ATF7IP: variants seen among roughly 807,000 people sequenced by gnomAD.
The protein encoded by ATF7IP is activating transcription factor 7 interacting protein.
In ATF7IP, 23 loss-of-function variants were observed where a neutral mutation model predicts 106.4. The observed-to-expected ratio is 0.22, with a 90% CI of 0.16 to 0.31. The LOEUF is 0.31. ATF7IP is among the 10% of genes least tolerant of loss of function. The pLI is 1.00. For missense variants in ATF7IP, 1,334 were observed against 1,524.3 expected, an observed-to-expected ratio of 0.88 and a Z score of 2.08; for synonymous variants, 542 against 539.0, an observed-to-expected ratio of 1.01 and a Z score of -0.08.
At chr12:14,396,805 A>G (rs940295641) in intron 1 of ATF7IP, among the ~76,000 whole-genome samples, 1 of 152,190 alleles carries the variant, frequency 6.6e-6, no homozygotes, top group Non-Finnish European at 1.5e-5. Flanking sequence ...TAGCAAAGAA[A>G]GATGAGGGAT....
chr12:14,388,503 C>T (rs1360023002), intron 1 of ATF7IP, among the ~76,000 whole-genome samples: 10 of 151,848 alleles, frequency 6.6e-5, no homozygotes, highest in Admixed American at 2.6e-4. Context: ...CCCATCACCA[C>T]GCCCGGCTAA....
At position 14,497,901 on chromosome 12, in the gene ATF7IP, A is replaced by G. The variant is rs1381327538; in HGVS notation, c.3641A>G (p.Lys1214Arg). ...EPSATVPSQW[K>R]KIGEVKALPL... Reference sequence around the variant, plus strand: ...AGTGCCACTGTGCCCTCACAATGGAAAAAGATTGGGGAAGTCAAGGCACTT... The same window carrying G: ...AGTGCCACTGTGCCCTCACAATGGAGAAAGATTGGGGAAGTCAAGGCACTT... Residue 1214 changes from lysine (K) to arginine (R), a missense_variant, in exon 15 of 15, where the codon AAA (lysine) becomes AGA (arginine). Coordinates refer to ENST00000261168, the MANE Select transcript of ATF7IP (RefSeq NM_018179.5). 9 of 1,614,056 alleles carry G rather than the reference A, an allele frequency of 5.6e-6. 1 individual carries two copies. Among genetic ancestry groups the G allele is most frequent in the Non-Finnish European group, 7.6e-6 (9 of 1,180,038 alleles).
chr12:14,449,366 GT>G (rs1217132539), intron 6 of ATF7IP, among the ~76,000 whole-genome samples: 1 of 151,942 alleles, frequency 6.6e-6, no homozygotes, highest in Non-Finnish European at 1.5e-5. Context: ...TATATATCCA[GT>G]TTTCCCAGCA....
chr12:14,485,585 C>T (rs965497823), intron 13 of ATF7IP, among the ~76,000 whole-genome samples: 4 of 152,274 alleles, frequency 2.6e-5, no homozygotes, highest in Admixed American at 1.3e-4. Context: ...CAAGGTCTCT[C>T]TGAATAAGAT....
chr12:14,397,265 C>G (rs1479320993), intron 1 of ATF7IP, among the ~76,000 whole-genome samples: 1 of 152,122 alleles, frequency 6.6e-6, no homozygotes, highest in Non-Finnish European at 1.5e-5. Flanking sequence ...TGTGAATGAT[C>G]CAAAATTTGG....
chr12:14,451,695 A>G (rs1184132599), intron 6 of ATF7IP, among the ~76,000 whole-genome samples: 1 of 151,914 alleles, frequency 6.6e-6, no homozygotes, highest in Non-Finnish European at 1.5e-5. Context: ...GTTGACGTCA[A>G]GTTTCATTCC....
intron 9 of ATF7IP, 33 bp downstream of exon 9, chr12:14,461,166 G>T: frequency 6.3e-7 from 1 of 1,580,034 alleles, no homozygotes; most frequent in South Asian, 1.2e-5. Flanking sequence ...TACTAGAAAT[G>T]CAAGCATCTT....
At chr12:14,473,294 G>A (rs11055990) in intron 10 of ATF7IP, among the ~76,000 whole-genome samples, 31,708 of 123,966 alleles carry the variant, frequency 0.26, 4,122 homozygotes, top group East Asian at 0.33. Context: ...CTCTCTCTGT[G>A]TGTGTGTGTG....
intron 13 of ATF7IP, 122 bp from the exon 14 acceptor site, chr12:14,496,109 A>C: frequency 3.1e-6 from 2 of 655,606 alleles, no homozygotes; most frequent in South Asian, 4.2e-5. Context: ...TCTAGGTTAG[A>C]AATATCTTTC....
At chr12:14,465,675 G>A (rs1201490983) in intron 9 of ATF7IP, among the ~76,000 whole-genome samples, 1 of 151,972 alleles carries the variant, frequency 6.6e-6, no homozygotes, top group East Asian at 1.9e-4. Context: ...AACCCAACTT[G>A]ATTTTTTAGA....
intron 5 of ATF7IP, among the ~76,000 whole-genome samples, chr12:14,439,788 G>A (rs1434660773): frequency 1.3e-5 from 2 of 151,932 alleles, no homozygotes; most frequent in Non-Finnish European, 2.9e-5. Context: ...AGCTGAGATC[G>A]GGCTACTGCA....
rs569180007 is a variant in ATF7IP, at chr12:14,377,555, C to T, written c.-8+11728C>T. Among the ~76,000 whole-genome samples the T allele has an allele frequency of 5.3e-5, 8 of 151,834 alleles. No homozygotes were observed. In the East Asian group the frequency reaches 1.2e-3, roughly 22 times the overall value. ...TATTTTTAGTAGAGACGGGGTTTCA[C>T]TGTGTTAGCCAGGATGGTCTCGATC... On this transcript the variant is annotated intron_variant, in intron 1 of 14. Coordinates refer to ENST00000261168, the MANE Select transcript of ATF7IP (RefSeq NM_018179.5).
chr12:14,502,032 A>G lies in ATF7IP; in HGVS notation c.*3959A>G, dbSNP rs1945173084. 1 of 152,190 alleles carries G rather than the reference A, an allele frequency of 6.6e-6. No homozygotes were observed. The highest frequency in any genetic ancestry group is 2.4e-5 in the African/African-American group (1 of 41,450). 9.4% of individuals were successfully genotyped at this position (152,190 alleles called of 1,614,324 possible). ...TGATTTTAGCACAGTAAGGTACTGC[A>G]AAGACCTTCCTTCCAAATGTTCTCC... On this transcript the variant is annotated 3_prime_UTR_variant, in exon 15 of 15. Transcript: ENST00000261168.
chr12:14,483,314 C>A (rs1944487277), intron 13 of ATF7IP, among the ~76,000 whole-genome samples: 1 of 152,154 alleles, frequency 6.6e-6, no homozygotes, highest in African/African-American at 2.4e-5. Context: ...CCTAATGGAT[C>A]TCCTGTATTC....
At chr12:14,484,988 G>A (rs995295843) in intron 13 of ATF7IP, among the ~76,000 whole-genome samples, 8 of 152,048 alleles carry the variant, frequency 5.3e-5, no homozygotes, top group African/African-American at 1.9e-4. Context: ...TCTCTCAAAA[G>A]GAGAGTAGTT....
At chr12:14,489,139 C>G (rs888943882) in intron 13 of ATF7IP, among the ~76,000 whole-genome samples, 3 of 152,142 alleles carry the variant, frequency 2.0e-5, no homozygotes, top group East Asian at 3.9e-4. Context: ...TTAGTGCTGC[C>G]TAGATTGGGC....
chr12:14,387,832 T>A (rs1939323306), intron 1 of ATF7IP, among the ~76,000 whole-genome samples: 2 of 152,202 alleles, frequency 1.3e-5, no homozygotes, highest in Non-Finnish European at 2.9e-5. Context: ...TTGTCACTTT[T>A]AAAAATTCTC....
intron 1 of ATF7IP, among the ~76,000 whole-genome samples, chr12:14,373,176 G>A (rs1938596930): frequency 6.6e-6 from 1 of 152,164 alleles, no homozygotes. Context: ...GCATGTAAGG[G>A]AAAAGAGAGA....
At chr12:14,492,215 A>G (rs1419342886) in intron 13 of ATF7IP, among the ~76,000 whole-genome samples, 1 of 152,210 alleles carries the variant, frequency 6.6e-6, no homozygotes, top group Non-Finnish European at 1.5e-5. Flanking sequence ...ACAAAATTCC[A>G]TTAATTATCT....
Sources: gnomAD v4.1 joint callset for allele counts (sites outside exome capture counted in the v4.1 genomes callset) on GRCh38, gnomAD v4.1.1 for gene constraint, MANE v1.5 for transcripts, NCBI Gene and HGNC (gene_info 2026-07-23, HGNC 2026-07-21) for gene names.